The following ZNF678 variants were observed in gnomAD, a reference collection of about 807,000 sequenced individuals.
The protein encoded by ZNF678 is hypothetical protein MGC42493.
In ZNF678, 5 loss-of-function variants were observed where a neutral mutation model predicts 3.0. The observed-to-expected ratio is 1.69, with a 90% CI of 0.88 to 3.56. The LOEUF (loss-of-function observed/expected upper bound fraction) is 3.56, where lower values mean the gene tolerates loss of function less well. Ranked by LOEUF, ZNF678 falls within the 30% of genes most tolerant of loss-of-function variation. The pLI, the probability that ZNF678 is intolerant of heterozygous loss-of-function variation, is 0.00. For missense variants in ZNF678, 593 were observed against 605.0 expected (o/e 0.98, Z 0.21); for synonymous variants, 218 against 199.6 (o/e 1.09, Z -0.78).
chr1:227,649,140 A>G (rs1362034289), intron 2 of ZNF678, among the ~76,000 whole-genome samples: 1 of 152,224 alleles, frequency 6.6e-6, no homozygotes, highest in Non-Finnish European at 1.5e-5. Flanking sequence ...TATCTTGGCA[A>G]TTGTGAATGA....
chr1:227,654,858 A>C lies in ZNF678; in HGVS notation c.608A>C (p.His203Pro), dbSNP rs758853529. Residue 203 changes from histidine to proline, a missense_variant, in exon 4 of 4, where the codon CAT becomes CCT. By Grantham distance (77) the His-to-Pro change is moderately conservative (BLOSUM62 -2). Coordinates refer to ENST00000343776, the MANE Select transcript of ZNF678 (RefSeq NM_001367909.1). ...WSQLTSHKKI[H>P]SGEKPYPCEE... ...CAACTAACTAGCCATAAGAAAATTC[A>C]TAGTGGAGAGAAACCATACCCATGT... 3 of 1,608,926 alleles carry C rather than the reference A, an allele frequency of 1.9e-6. No individual in the cohort carries two copies. In the Admixed American group the frequency reaches 5.1e-5, roughly 28 times the overall value.
At chr1:227,669,613 C>T (rs1443319639) in intron 5 of ZNF678, among the ~76,000 whole-genome samples, 4 of 149,772 alleles carry the variant, frequency 2.7e-5, no homozygotes, top group Non-Finnish European at 4.4e-5. Context: ...CGTGCCACTG[C>T]GCGCCAGCCT....
At chr1:227,675,637 C>A (rs1421570960) in intron 5 of ZNF678, among the ~76,000 whole-genome samples, 1 of 151,148 alleles carries the variant, frequency 6.6e-6, no homozygotes, top group African/African-American at 2.4e-5. Context: ...ACTTAAAATA[C>A]ATTTTTTTTT....
In ZNF678 at chr1:227,658,446, AC is replaced by A. The variant is rs1659307094; in HGVS notation, c.*2619del. On this transcript the variant is annotated 3_prime_UTR_variant, in exon 4 of 4. Coordinates refer to ENST00000343776, the MANE Select transcript of ZNF678 (RefSeq NM_001367909.1). ...GGCATTAACTCTGCATGTAAAGAAA[AC>A]ACATGTATACCCAGGCTGTACAACT... The A allele has an allele frequency of 6.6e-6, 1 of 152,088 alleles. No homozygotes were observed. The highest frequency in any genetic ancestry group is 2.4e-5 in the African/African-American group (1 of 41,440). 9.4% of individuals were successfully genotyped at this position (152,088 alleles called of 1,614,324 possible).
chr1:227,664,908 C>A (rs1284212458), downstream of ZNF678, among the ~76,000 whole-genome samples: 1 of 152,202 alleles, frequency 6.6e-6, no homozygotes, highest in African/African-American at 2.4e-5. Context: ...CAGCCTCTCT[C>A]AGTCCCCTAC....
At chr1:227,664,896 C>T (rs1333488278), downstream of ZNF678, among the ~76,000 whole-genome samples, 3 of 152,186 alleles carry the variant, frequency 2.0e-5, no homozygotes, top group Non-Finnish European at 2.9e-5. Flanking sequence ...GTTATGCAAG[C>T]ACAGCCTCTC....
At chr1:227,613,316 C>A (rs771729221) in intron 1 of ZNF678, among the ~76,000 whole-genome samples, 2 of 152,150 alleles carry the variant, frequency 1.3e-5, no homozygotes, top group Non-Finnish European at 2.9e-5. Flanking sequence ...TTGCCCTGGC[C>A]CCAGGACAGC....
intron 1 of ZNF678, among the ~76,000 whole-genome samples, chr1:227,615,428 G>A (rs776895524): frequency 6.6e-6 from 1 of 152,052 alleles, no homozygotes; most frequent in East Asian, 1.9e-4. Context: ...AGGCTTGATC[G>A]GGCCACCTCC....
chr1:227,581,578 C>T (rs1233638907), intron 1 of ZNF678, among the ~76,000 whole-genome samples: 8 of 152,054 alleles, frequency 5.3e-5, no homozygotes, highest in Admixed American at 2.6e-4. Flanking sequence ...TTCTTAGTGG[C>T]GCATTGCTTC....
rs570600321 is a variant in ZNF678 at position 227,674,110 on chromosome 1, A to G, written c.227-3069A>G. 2.2e-4 allele frequency among the ~76,000 whole-genome samples: 34 copies of G among 152,344 alleles called. 1 individual carries two copies. Among genetic ancestry groups the G allele is most frequent in the Middle Eastern group, 6.8e-3 (2 of 294 alleles). On this transcript the variant is annotated intron_variant, in intron 5 of 5. Coordinates refer to the ZNF678 transcript ENST00000608949. ...ACAGGACCAACCACTGACAGATTCT[A>G]CTATAGGAGCAAGAGGAAGTTTCAG...
chr1:227,632,049 G>T lies in ZNF678; in HGVS notation c.-163-14495G>T, dbSNP rs146311714. Reference sequence around the variant, plus strand: ...GGGGTAAGCTGGGTAGAAATTGGGGGAGTAGAGCACCTTACACAATGGGAG... The same window carrying T: ...GGGGTAAGCTGGGTAGAAATTGGGGTAGTAGAGCACCTTACACAATGGGAG... On this transcript the variant is annotated intron_variant, in intron 1 of 3. Coordinates refer to ENST00000343776, the MANE Select transcript of ZNF678 (RefSeq NM_001367909.1). 4.0e-3 allele frequency among the ~76,000 whole-genome samples: 614 copies of T among 152,302 alleles called. 5 individuals carry two copies. Among genetic ancestry groups the T allele is most frequent in the African/African-American group, 0.014 (583 of 41,566 alleles).
chr1:227,597,740 T>C (rs1657630899), intron 1 of ZNF678, among the ~76,000 whole-genome samples: 1 of 152,174 alleles, frequency 6.6e-6, no homozygotes, highest in Non-Finnish European at 1.5e-5. Flanking sequence ...GCTATTTTAC[T>C]TAATAAAAAT....
intron 5 of ZNF678, among the ~76,000 whole-genome samples, chr1:227,668,571 AC>A (rs2102819330): frequency 6.6e-6 from 1 of 152,304 alleles, no homozygotes; most frequent in South Asian, 2.1e-4. Context: ...TGGCAGGAGA[AC>A]CTTTATTCTG....
At chr1:227,566,040 C>T (rs1016224109) in intron 1 of ZNF678, among the ~76,000 whole-genome samples, 2 of 152,094 alleles carry the variant, frequency 1.3e-5, no homozygotes, top group East Asian at 1.9e-4. Flanking sequence ...GGATTACAGG[C>T]GTGAGCCACC....
rs930313257 is a variant in ZNF678, at chr1:227,657,230, C to T, written c.*1402C>T. The T allele has an allele frequency of 1.5e-4, 23 of 152,010 alleles. No homozygotes were observed. Among genetic ancestry groups the T allele is most frequent in the Middle Eastern group, 3.4e-3 (1 of 294 alleles). 9.4% of individuals were successfully genotyped at this position (152,010 alleles called of 1,614,324 possible). A position where few individuals can be genotyped will look rare whatever the true frequency, so the allele number is the denominator to read the frequency against. On this transcript the variant is annotated 3_prime_UTR_variant, in exon 4 of 4. Coordinates refer to ENST00000343776, the MANE Select transcript of ZNF678 (RefSeq NM_001367909.1). ...ACAAACAAACAAAAAACTGATATTC[C>T]TCTTGCTTTGTCTTTTGCCATGATA...
intron 1 of ZNF678, among the ~76,000 whole-genome samples, chr1:227,565,988 C>G (rs1233368013): frequency 2.6e-5 from 4 of 152,128 alleles, no homozygotes; most frequent in African/African-American, 4.8e-5. Flanking sequence ...GTCTTGATCT[C>G]CTGACCTCGT....
In ZNF678 at chr1:227,632,641, C is replaced by T. The variant is rs80133357; in HGVS notation, c.-163-13903C>T. On this transcript the variant is annotated intron_variant, in intron 1 of 3. Transcript: ENST00000343776. ...GAAAGCCTTTTCCCAGAAAGCCTAA[C>T]ACTGAGTCTTGAGTCTGGCAGCCAC... Among the ~76,000 whole-genome samples the T allele has an allele frequency of 3.8e-3, 582 of 152,270 alleles. 5 individuals are homozygous for T. Among genetic ancestry groups the T allele is most frequent in the Non-Finnish European group, 6.3e-3 (431 of 68,016 alleles).
At chr1:227,566,445 C>T (rs1296491835) in intron 1 of ZNF678, among the ~76,000 whole-genome samples, 4 of 152,048 alleles carry the variant, frequency 2.6e-5, no homozygotes, top group African/African-American at 7.2e-5. Flanking sequence ...TGAGCTGGTG[C>T]GAGAACATGC....
intron 1 of ZNF678, among the ~76,000 whole-genome samples, chr1:227,592,145 C>T (rs148878716): frequency 0.011 from 1,654 of 152,228 alleles, 34 homozygotes; most frequent in African/African-American, 0.038. Flanking sequence ...TCTCTGATAC[C>T]GGGAGCAAGG....
Sources: gnomAD v4.1 joint callset for allele counts (sites outside exome capture counted in the v4.1 genomes callset) on GRCh38, gnomAD v4.1.1 for gene constraint, MANE v1.5 for transcripts, NCBI Gene and HGNC (gene_info 2026-07-23, HGNC 2026-07-21) for gene names.